SLAIN2: variants seen among roughly 807,000 people sequenced by gnomAD.
SLAIN2 encodes SLAIN motif-containing protein 2.
Under a neutral mutation model 56.6 loss-of-function variants are expected in SLAIN2, and 31 were observed. The observed-to-expected ratio is 0.55, with a 90% confidence interval of 0.41 to 0.74. SLAIN2 has a LOEUF of 0.74. Among genes scored for constraint, SLAIN2 ranks in the 30% least tolerant of loss-of-function variants. The pLI, the probability that SLAIN2 is intolerant of heterozygous loss-of-function variation, is 0.00. For missense variants in SLAIN2, 777 were observed against 754.2 expected (o/e 1.03, Z -0.35); for synonymous variants, 317 against 284.9 (o/e 1.11, Z -1.13).
chr4:48,393,887 G>T (rs1716295980), intron 6 of SLAIN2, among the ~76,000 whole-genome samples: 1 of 152,082 alleles, frequency 6.6e-6, no homozygotes, highest in African/African-American at 2.4e-5. Context: ...TTGGAAAAAA[G>T]CTTAGCTTTC....
At chr4:48,359,240 G>A (rs996154653) in intron 1 of SLAIN2, among the ~76,000 whole-genome samples, 4 of 152,178 alleles carry the variant, frequency 2.6e-5, no homozygotes, top group African/African-American at 9.7e-5. Flanking sequence ...TGTGAAGACA[G>A]TGTCTGTTCT....
At chr4:48,379,523 A>G (rs1008443759) in intron 3 of SLAIN2, among the ~76,000 whole-genome samples, 167 bp from the exon 4 acceptor site, 12 of 152,094 alleles carry the variant, frequency 7.9e-5, no homozygotes, top group Admixed American at 3.3e-4. Context: ...AGTAGCCCTC[A>G]TTTTTCTTAA....
At chr4:48,392,557 G>C (rs145130556) in intron 6 of SLAIN2, among the ~76,000 whole-genome samples, 1 of 152,022 alleles carries the variant, frequency 6.6e-6, no homozygotes, top group Admixed American at 6.6e-5. Flanking sequence ...ACTGGCCTAC[G>C]TTCTGTTCTT....
chr4:48,395,379 C>A, intron 6 of SLAIN2, among the ~76,000 whole-genome samples: 1 of 149,376 alleles, frequency 6.7e-6, no homozygotes. Context: ...ACTAAACAAC[C>A]AAAATATGTA....
At chr4:48,388,682 C>A (rs2109767541) in intron 6 of SLAIN2, among the ~76,000 whole-genome samples, 1 of 152,310 alleles carries the variant, frequency 6.6e-6, no homozygotes, top group African/African-American at 2.4e-5. Flanking sequence ...CTCCTATTTT[C>A]CTCTTCCTCA....
At chr4:48,365,536 C>G (rs992208612) in intron 1 of SLAIN2, among the ~76,000 whole-genome samples, 3 of 148,214 alleles carry the variant, frequency 2.0e-5, no homozygotes, top group African/African-American at 7.4e-5. Flanking sequence ...TAATTTCCTT[C>G]TGGCTACTTT....
chr4:48,349,772 T>C (rs1714963321), intron 1 of SLAIN2, among the ~76,000 whole-genome samples: 1 of 152,220 alleles, frequency 6.6e-6, no homozygotes, highest in Non-Finnish European at 1.5e-5. Context: ...TACTTAGTAG[T>C]AGTAAGATTA....
intron 6 of SLAIN2, among the ~76,000 whole-genome samples, chr4:48,413,952 A>G (rs185099816): frequency 3.3e-5 from 5 of 152,268 alleles, no homozygotes; most frequent in Admixed American, 2.6e-4. Flanking sequence ...GGTTAAGTGC[A>G]TGCCTGAATT....
At chr4:48,373,633 GTATA>G (rs552602240) in intron 2 of SLAIN2, among the ~76,000 whole-genome samples, 1 of 151,664 alleles carries the variant, frequency 6.6e-6, no homozygotes, top group Non-Finnish European at 1.5e-5. Flanking sequence ...TTTTTTAGTG[GTATA>G]TATATATAAT....
Position 48,393,386 on chromosome 4 carries a change from T to TTGTGTGTGTGTGTGTGTG in SLAIN2, c.1360+9622_1360+9639dup, listed in dbSNP as rs57142552. Among the ~76,000 whole-genome samples, 378 of 135,440 alleles carry TTGTGTGTGTGTGTGTGTG rather than the reference T, an allele frequency of 2.8e-3. 3 individuals carry two copies. Among genetic ancestry groups the TTGTGTGTGTGTGTGTGTG allele is most frequent in the Non-Finnish European group, 4.1e-3 (263 of 63,940 alleles). The allele number at this position is 135,440 out of a possible 152,430, so 88.9% of individuals were successfully genotyped here. A position where few individuals can be genotyped will look rare whatever the true frequency, so the allele number is the denominator to read the frequency against. ...CCACAGACACACCACCATGTCTGGC[T>TTGTGTGTGTGTGTGTGTG]TGTGTGTGTGTGTGTGTGTGTGTGT... On this transcript the variant is annotated intron_variant, in intron 6 of 7. Coordinates refer to ENST00000264313, the MANE Select transcript of SLAIN2 (RefSeq NM_020846.2).
Position 48,404,627 on chromosome 4 carries a change from T to G in SLAIN2, c.1361-15498T>G, listed in dbSNP as rs558022422. Among the ~76,000 whole-genome samples, 8 of 152,346 alleles carry G rather than the reference T, an allele frequency of 5.3e-5. No individual in the cohort carries two copies. The South Asian group carries it at 1.0e-3, about 20-fold the overall frequency. On this transcript the variant is annotated intron_variant, in intron 6 of 7. Transcript: ENST00000264313. ...CTTGAGGTTCCCTCCAAACACACAT[T>G]CCTGTTAGACCATTTCATGCCAGTT...
At chr4:48,365,930 C>T (rs898668671) in intron 1 of SLAIN2, among the ~76,000 whole-genome samples, 6 of 151,332 alleles carry the variant, frequency 4.0e-5, no homozygotes, top group African/African-American at 1.2e-4. Context: ...GACCTCTTTT[C>T]TTTCCTAATG....
chr4:48,354,103 G>T (rs958790011), intron 1 of SLAIN2, among the ~76,000 whole-genome samples: 3 of 151,838 alleles, frequency 2.0e-5, no homozygotes, highest in African/African-American at 7.3e-5. Flanking sequence ...CCAATAGTTG[G>T]TTATGGCAAA....
intron 1 of SLAIN2, among the ~76,000 whole-genome samples, chr4:48,366,422 C>G (rs564749945): frequency 3.2e-4 from 49 of 152,252 alleles, no homozygotes; most frequent in Non-Finnish European, 6.2e-4. Flanking sequence ...AACCCCAAAA[C>G]AAAATTTCTG....
Position 48,425,588 on chromosome 4 carries a change from A to C in SLAIN2, c.*3511A>C, listed in dbSNP as rs1717278888. The C allele has an allele frequency of 6.6e-6, 1 of 152,190 alleles. No homozygotes were observed. The highest frequency in any genetic ancestry group is 2.4e-5 in the African/African-American group (1 of 41,468). 9.4% of individuals were successfully genotyped at this position (152,190 alleles called of 1,614,324 possible). A position where few individuals can be genotyped will look rare whatever the true frequency, so the allele number is the denominator to read the frequency against. ...TAAAATAATATTACATGTTACAATT[A>C]GATTAATAGTGATGAGAGGGAAAAA... is the stretch of plus-strand genomic sequence containing the variant. On this transcript the variant is annotated 3_prime_UTR_variant, in exon 8 of 8. Coordinates refer to ENST00000264313, the MANE Select transcript of SLAIN2 (RefSeq NM_020846.2).
rs969788271 is a variant in SLAIN2, at chr4:48,351,421, T to C, written c.389+9293T>C. Among the ~76,000 whole-genome samples, 9 of 152,240 alleles carry C rather than the reference T, an allele frequency of 5.9e-5. No individual in the cohort carries two copies. The East Asian group carries it at 1.5e-3, about 26-fold the overall frequency. On this transcript the variant is annotated intron_variant, in intron 1 of 7. Transcript: ENST00000264313. ...ATATCTTTTGAGTGGGCCTGCTCAT[T>C]TCTCCTCTGAGTGGGAGATAATGAA...
intron 6 of SLAIN2, among the ~76,000 whole-genome samples, chr4:48,399,974 G>A (rs1186987448): frequency 6.6e-6 from 1 of 151,862 alleles, no homozygotes; most frequent in Non-Finnish European, 1.5e-5. Flanking sequence ...CTTTTTTGTT[G>A]TATCTTTGCT....
intron 2 of SLAIN2, among the ~76,000 whole-genome samples, chr4:48,377,317 G>A (rs904866928): frequency 2.8e-4 from 42 of 147,956 alleles, no homozygotes; most frequent in Admixed American, 1.1e-3. Flanking sequence ...CAAGTAGCAT[G>A]CACCACCATG....
intron 1 of SLAIN2, among the ~76,000 whole-genome samples, chr4:48,361,213 A>G (rs1257670044): frequency 1.3e-5 from 2 of 152,206 alleles, no homozygotes; most frequent in Non-Finnish European, 1.5e-5. Flanking sequence ...CCAATAGAAA[A>G]TAGAGAAGAG....
Sources: gnomAD v4.1 joint callset for allele counts (sites outside exome capture counted in the v4.1 genomes callset) on GRCh38, gnomAD v4.1.1 for gene constraint, MANE v1.5 for transcripts, NCBI Gene and HGNC (gene_info 2026-07-23, HGNC 2026-07-21) for gene names.